Variants in GNA14 observed in about 807,000 individuals in gnomAD.
GNA14 encodes guanine nucleotide-binding protein subunit alpha-14.
GNA14 carries 50 observed loss-of-function variants against 42.0 expected under a neutral mutation model. The ratio of observed to expected loss-of-function variants is 1.19; its 90% confidence interval spans 0.95 to 1.51. The LOEUF (loss-of-function observed/expected upper bound fraction) is 1.51. Among genes scored for constraint, GNA14 ranks in the 40% most tolerant of loss-of-function variants. The pLI, the probability that GNA14 is intolerant of heterozygous loss-of-function variation, is 0.00. For missense variants in GNA14, 473 were observed against 446.2 expected (o/e 1.06, Z -0.54); for synonymous variants, 173 against 163.1 (o/e 1.06, Z -0.46).
intron 2 of GNA14, among the ~76,000 whole-genome samples, chr9:77,528,271 T>A (rs536850270): frequency 1.5e-3 from 230 of 152,302 alleles, no homozygotes; most frequent in Non-Finnish European, 2.6e-3. Flanking sequence ...GAGAGACCCA[T>A]CTGACACAGA....
At chr9:77,479,987 C>T (rs1198731591) in intron 2 of GNA14, among the ~76,000 whole-genome samples, 1 of 152,184 alleles carries the variant, frequency 6.6e-6, no homozygotes, top group African/African-American at 2.4e-5. Context: ...ACAATCATGT[C>T]ATCTGCAAAC....
intron 2 of GNA14, among the ~76,000 whole-genome samples, chr9:77,480,260 A>C (rs1037241592): frequency 4.2e-4 from 64 of 152,190 alleles, no homozygotes; most frequent in African/African-American, 1.4e-3. Flanking sequence ...TTTAGCATGA[A>C]GGGTTGTTGA....
In GNA14 at chr9:77,473,455, C is replaced by G. The variant is rs546418785; in HGVS notation, c.310-38933G>C. On this transcript the variant is annotated intron_variant, in intron 2 of 6. Transcript: ENST00000341700. ...TGAGTGACAGAGCCTGACCCTGTCT[C>G]AAAACAAATACAAAAACAAAGGAAA... 2.0e-5 allele frequency among the ~76,000 whole-genome samples: 3 copies of G among 151,914 alleles called. No homozygotes were observed. In the South Asian group the frequency reaches 6.2e-4, roughly 32 times the overall value.
At chr9:77,551,092 G>A (rs1162689935) in intron 1 of GNA14, among the ~76,000 whole-genome samples, 2 of 152,062 alleles carry the variant, frequency 1.3e-5, no homozygotes, top group Non-Finnish European at 2.9e-5. Flanking sequence ...GGTTGAAAGG[G>A]AAAATTTTCA....
chr9:77,500,987 GCT>G (rs1190416732), intron 2 of GNA14, among the ~76,000 whole-genome samples: 1 of 151,328 alleles, frequency 6.6e-6, no homozygotes. Context: ...ACAGAATCTC[GCT>G]CTGTCACCAG....
Position 77,424,039 on chromosome 9 carries a change from C to G in GNA14, c.1008G>C (p.Val336=). The change falls in exon 7 of 7, where the codon GTG becomes GTC. Residue 336 remains valine, a synonymous_variant. Transcript: ENST00000341700. The part of the protein sequence containing the change: ...CATDTDNIRF[V]FAAVKDTILQ... The stretch of plus-strand genomic sequence containing the variant: ...GAATTGTGTCTTTGACAGCAGCAAA[C>G]ACAAAGCGAATATTGTCTGTATCTG... The G allele has an allele frequency of 6.2e-7, 1 of 1,610,830 alleles. No individual in the cohort carries two copies. The highest frequency in any genetic ancestry group is 8.5e-7 in the Non-Finnish European group (1 of 1,178,390).
At chr9:77,465,439 A>AC (rs1836204879) in intron 2 of GNA14, among the ~76,000 whole-genome samples, 1 of 152,076 alleles carries the variant, frequency 6.6e-6, no homozygotes, top group Non-Finnish European at 1.5e-5. Context: ...GGACTTTTTT[A>AC]CACTTTTTGG....
At chr9:77,565,660 G>T (rs1372943608) in intron 1 of GNA14, among the ~76,000 whole-genome samples, 1 of 152,194 alleles carries the variant, frequency 6.6e-6, no homozygotes, top group Non-Finnish European at 1.5e-5. Flanking sequence ...ATTTCACTAT[G>T]TTGGCCAGGC....
chr9:77,563,726 A>G (rs1050959997), intron 1 of GNA14, among the ~76,000 whole-genome samples: 1 of 152,142 alleles, frequency 6.6e-6, no homozygotes, highest in Non-Finnish European at 1.5e-5. Context: ...TCTAAATACC[A>G]AGGACAGTTA....
At chr9:77,603,343 G>A (rs960935612) in intron 1 of GNA14, among the ~76,000 whole-genome samples, 3 of 152,050 alleles carry the variant, frequency 2.0e-5, no homozygotes, top group African/African-American at 7.2e-5. Context: ...GGGTCAGGAG[G>A]AGCTCAAGTT....
At chr9:77,572,063 G>C (rs892295692) in intron 1 of GNA14, among the ~76,000 whole-genome samples, 5 of 152,082 alleles carry the variant, frequency 3.3e-5, no homozygotes, top group African/African-American at 1.2e-4. Context: ...CCAAGGATTT[G>C]GGGAGAACTC....
chr9:77,546,208 T>C (rs1587825457), intron 1 of GNA14, among the ~76,000 whole-genome samples: 1 of 94,364 alleles, frequency 1.1e-5, no homozygotes, highest in Admixed American at 1.6e-4. Flanking sequence ...CAGAGCGAGC[T>C]CCATCTCAAA....
chr9:77,525,688 G>A (rs1350442028), intron 2 of GNA14, among the ~76,000 whole-genome samples: 2 of 150,038 alleles, frequency 1.3e-5, no homozygotes, highest in East Asian at 2.0e-4. Flanking sequence ...ACAGGTACCC[G>A]CCAACACGCC....
At chr9:77,436,169 G>A (rs1835636229) in intron 2 of GNA14, among the ~76,000 whole-genome samples, 1 of 152,202 alleles carries the variant, frequency 6.6e-6, no homozygotes, top group African/African-American at 2.4e-5. Context: ...GAAAGTGAAT[G>A]TAAACTCTTC....
At chr9:77,464,395 A>C (rs572295524) in intron 2 of GNA14, among the ~76,000 whole-genome samples, 2 of 147,572 alleles carry the variant, frequency 1.4e-5, no homozygotes, top group Non-Finnish European at 3.0e-5. Context: ...GTGTGTGTTT[A>C]AATGTGGATT....
intron 1 of GNA14, among the ~76,000 whole-genome samples, chr9:77,584,432 C>T (rs1426966055): frequency 1.3e-5 from 2 of 152,138 alleles, no homozygotes; most frequent in Non-Finnish European, 2.9e-5. Context: ...CACTAGCTTG[C>T]CTTTCCTTTC....
chr9:77,478,378 T>C (rs979914856), intron 2 of GNA14, among the ~76,000 whole-genome samples: 15 of 152,326 alleles, frequency 9.8e-5, no homozygotes, highest in African/African-American at 3.6e-4. Context: ...TATGGCTGCA[T>C]AGTATTCCAT....
intron 1 of GNA14, among the ~76,000 whole-genome samples, chr9:77,547,510 G>C (rs73651533): frequency 1.3e-5 from 2 of 152,240 alleles, no homozygotes; most frequent in Non-Finnish European, 2.9e-5. Flanking sequence ...GGAAGCAAAA[G>C]AGAACAATCT....
chr9:77,472,932 G>A (rs377170493), intron 2 of GNA14, among the ~76,000 whole-genome samples: 2 of 152,024 alleles, frequency 1.3e-5, no homozygotes, highest in South Asian at 2.1e-4. Flanking sequence ...CCAGCCTCCA[G>A]AACTGTGAAA....
Sources: gnomAD v4.1 joint callset for allele counts (sites outside exome capture counted in the v4.1 genomes callset) on GRCh38, gnomAD v4.1.1 for gene constraint, MANE v1.5 for transcripts, NCBI Gene and HGNC (gene_info 2026-07-23, HGNC 2026-07-21) for gene names.